Variants in RSF1 observed in about 807,000 individuals in gnomAD.
RSF1 encodes HBV pX-associated protein 8.
In RSF1, 13 loss-of-function variants were observed where a neutral mutation model predicts 145.2. That is an observed-to-expected ratio of 0.09 (90% CI 0.06 to 0.14). The LOEUF (loss-of-function observed/expected upper bound fraction) is 0.14. RSF1 is among the 10% of genes least tolerant of loss of function. The pLI is 1.00. For synonymous variants in RSF1, 577 were observed against 592.6 expected, an observed-to-expected ratio of 0.97 and a Z score of 0.38; for missense variants, 1,517 against 1,718.2, an observed-to-expected ratio of 0.88 and a Z score of 2.07.
intron 1 of RSF1, among the ~76,000 whole-genome samples, chr11:77,807,906 AG>A (rs1207268570): frequency 6.6e-6 from 1 of 152,270 alleles, no homozygotes; most frequent in African/African-American, 2.4e-5. Context: ...ATGGCAGTAC[AG>A]GAACACACCC....
intron 1 of RSF1, among the ~76,000 whole-genome samples, chr11:77,769,430 G>A (rs1948260055): frequency 1.3e-5 from 2 of 152,162 alleles, no homozygotes; most frequent in South Asian, 4.1e-4. Context: ...CCAAAAAATA[G>A]TTTTTGTCCT....
rs1468209007 is a variant in RSF1 at position 77,666,186 on chromosome 11, C to G, written c.*731G>C. On this transcript the variant is annotated 3_prime_UTR_variant, in exon 16 of 16. Coordinates refer to ENST00000308488, the MANE Select transcript of RSF1 (RefSeq NM_016578.4). ...TATTTAAAAAAATTTGTTGCTAGCA[C>G]AGTCTGGTTGGCAAAGCTTCATTAT... 1.3e-5 allele frequency: 2 copies of G among 152,134 alleles called. No individual in the cohort carries two copies. Among genetic ancestry groups the G allele is most frequent in the African/African-American group, 4.8e-5 (2 of 41,434 alleles). The allele number at this position is 152,134 out of a possible 1,614,324, so 9.4% of individuals were successfully genotyped here.
chr11:77,674,587 T>C (rs1031095873), intron 14 of RSF1, among the ~76,000 whole-genome samples: 1 of 152,242 alleles, frequency 6.6e-6, no homozygotes, highest in Non-Finnish European at 1.5e-5. Context: ...GCATCTGATA[T>C]GAAGTTAACG....
chr11:77,861,492 G>A, the RSF1 span, among the ~76,000 whole-genome samples: 4 of 152,166 alleles, frequency 2.6e-5, no homozygotes, highest in Admixed American at 6.5e-5. Context: ...CTCTGTGAGG[G>A]TGATGGCATG....
upstream of RSF1, chr11:77,821,329 G>A (rs565537614): frequency 1.8e-5 from 3 of 162,280 alleles, no homozygotes; most frequent in South Asian, 3.8e-4. Context: ...GAATAGGGCG[G>A]GGGAAAGCAC....
At chr11:77,756,536 G>T (rs1305372265) in intron 2 of RSF1, among the ~76,000 whole-genome samples, 1 of 152,050 alleles carries the variant, frequency 6.6e-6, no homozygotes, top group Admixed American at 6.6e-5. Context: ...TATGTGGCCG[G>T]AACTAGACAA....
In RSF1 at chr11:77,664,291, A is replaced by G. The variant is rs965161517; in HGVS notation, c.*2626T>C. On this transcript the variant is annotated 3_prime_UTR_variant, in exon 16 of 16. Coordinates refer to ENST00000308488, the MANE Select transcript of RSF1 (RefSeq NM_016578.4). Reference sequence around the variant, plus strand: ...CATTCTTGGTAGATGACCTATAGTTAATTGATTTAATCAAAATATAAGGTG... The same window carrying G: ...CATTCTTGGTAGATGACCTATAGTTGATTGATTTAATCAAAATATAAGGTG... 6.6e-6 allele frequency: 1 copy of G among 152,180 alleles called. No homozygotes were observed. Among genetic ancestry groups the G allele is most frequent in the African/African-American group, 2.4e-5 (1 of 41,444 alleles). 9.4% of individuals were successfully genotyped at this position (152,180 alleles called of 1,614,324 possible). A position where few individuals can be genotyped will look rare whatever the true frequency, so the allele number is the denominator to read the frequency against.
At chr11:77,756,214 G>A (rs554343749) in intron 2 of RSF1, among the ~76,000 whole-genome samples, 23 of 151,952 alleles carry the variant, frequency 1.5e-4, no homozygotes, top group African/African-American at 4.8e-4. Flanking sequence ...AAAATTAGCT[G>A]GGCATGGTGG....
At chr11:77,845,370 C>G in the RSF1 span, among the ~76,000 whole-genome samples, 2 of 151,932 alleles carry the variant, frequency 1.3e-5, no homozygotes, top group African/African-American at 2.4e-5. Flanking sequence ...CTGTTGAGCC[C>G]CTGTAGTGAC....
intron 5 of RSF1, among the ~76,000 whole-genome samples, chr11:77,704,983 G>A (rs1960512096): frequency 6.6e-6 from 1 of 152,028 alleles, no homozygotes; most frequent in African/African-American, 2.4e-5. Flanking sequence ...ACTCCTGACT[G>A]CAGGTGATCC....
chr11:77,711,521 T>G (rs1960684386), intron 5 of RSF1, among the ~76,000 whole-genome samples: 1 of 151,942 alleles, frequency 6.6e-6, no homozygotes, highest in African/African-American at 2.4e-5. Flanking sequence ...ACAAAAAAAT[T>G]AGCCGGGCGT....
intron 3 of RSF1, among the ~76,000 whole-genome samples, chr11:77,741,899 G>A (rs1947943324): frequency 6.6e-6 from 1 of 152,096 alleles, no homozygotes; most frequent in African/African-American, 2.4e-5. Flanking sequence ...GATTCTATGA[G>A]TCTGACTCTT....
chr11:77,796,192 G>C (rs1047087640), intron 1 of RSF1, among the ~76,000 whole-genome samples: 3 of 151,930 alleles, frequency 2.0e-5, no homozygotes, highest in Admixed American at 2.0e-4. Context: ...GCAAAACCTG[G>C]CAGAGACACA....
At chr11:77,803,762 G>A (rs988086213) in intron 1 of RSF1, among the ~76,000 whole-genome samples, 1 of 151,650 alleles carries the variant, frequency 6.6e-6, no homozygotes, top group African/African-American at 2.4e-5. Context: ...TGTGCAACAG[G>A]GTGAGACTTC....
At chr11:77,685,614 A>G (rs2135830269) in intron 9 of RSF1, among the ~76,000 whole-genome samples, 1 of 152,332 alleles carries the variant, frequency 6.6e-6, no homozygotes, top group East Asian at 1.9e-4. Flanking sequence ...TATTAAGTAT[A>G]AAACTTTAAT....
intron 1 of RSF1, among the ~76,000 whole-genome samples, chr11:77,818,461 A>T (rs1235935504): frequency 6.6e-6 from 1 of 152,188 alleles, no homozygotes; most frequent in Non-Finnish European, 1.5e-5. Context: ...TTACTAAGGC[A>T]TCCTACTTCA....
chr11:77,840,607 CTA>C, the RSF1 span, among the ~76,000 whole-genome samples: 2 of 152,094 alleles, frequency 1.3e-5, no homozygotes, highest in East Asian at 3.9e-4. Context: ...CTGGGTATCC[CTA>C]TGTTACCCAG....
intron 1 of RSF1, among the ~76,000 whole-genome samples, chr11:77,792,522 C>G (rs548277011): frequency 1.1e-4 from 16 of 152,264 alleles, no homozygotes; most frequent in Admixed American, 6.5e-5. Context: ...CCACTGGGGA[C>G]AGAAGACTAG....
At chr11:77,726,935 T>C (rs1961067600) in intron 4 of RSF1, among the ~76,000 whole-genome samples, 7 of 152,204 alleles carry the variant, frequency 4.6e-5, no homozygotes, top group Admixed American at 3.9e-4. Flanking sequence ...AAAGAACAGA[T>C]TCTCTTGAGT....
Sources: gnomAD v4.1 joint callset for allele counts (sites outside exome capture counted in the v4.1 genomes callset) on GRCh38, gnomAD v4.1.1 for gene constraint, MANE v1.5 for transcripts, NCBI Gene and HGNC (gene_info 2026-07-23, HGNC 2026-07-21) for gene names.